RORA: variants seen among roughly 807,000 people sequenced by gnomAD.
RORA encodes RAR related orphan receptor A.
RORA carries 7 observed loss-of-function variants against 69.5 expected under a neutral mutation model. That is an observed-to-expected ratio of 0.10 (90% confidence interval 0.06 to 0.19). The LOEUF (loss-of-function observed/expected upper bound fraction) is 0.19, where lower values mean the gene tolerates loss of function less well. Ranked by LOEUF, RORA falls within the 10% of genes least tolerant of loss-of-function variation. The pLI is 1.00. For synonymous variants in RORA, 261 were observed against 240.8 expected, an observed-to-expected ratio of 1.08 and a Z score of -0.78; for missense variants, 457 against 663.0, an observed-to-expected ratio of 0.69 and a Z score of 3.41.
At chr15:60,677,580 CTT>C (rs71122869) in intron 2 of RORA, among the ~76,000 whole-genome samples, 5 of 139,538 alleles carry the variant, frequency 3.6e-5, no homozygotes, top group Middle Eastern at 3.6e-3. Flanking sequence ...TTGGTTTTTT[CTT>C]TTTTTTTTTT....
intron 1 of RORA, among the ~76,000 whole-genome samples, chr15:60,859,651 C>CTTTTTTTTTTTTT (rs1208480913): frequency 2.1e-5 from 2 of 96,422 alleles, no homozygotes; most frequent in Non-Finnish European, 3.9e-5. Flanking sequence ...TTCTTTCTTT[C>CTTTTTTTTTTTTT]TTTCTTTTTT....
chr15:60,871,175 T>C (rs1297006128), intron 1 of RORA, among the ~76,000 whole-genome samples: 2 of 152,174 alleles, frequency 1.3e-5, no homozygotes, highest in Non-Finnish European at 1.5e-5. Context: ...GTTGGAGATA[T>C]CCAGGCAACA....
Position 60,870,028 on chromosome 15 carries a change from A to G in RORA, c.167-191342T>C, listed in dbSNP as rs142589743. ...ACTGTGGTTGACTGGGCCAAGGAAA[A>G]TATCTCCATGAAGTAGTCTTTGCAA... On this transcript the variant is annotated intron_variant, in intron 1 of 10. Coordinates refer to ENST00000335670, the MANE Select transcript of RORA (RefSeq NM_134261.3). Among the ~76,000 whole-genome samples the G allele has an allele frequency of 1.4e-4, 22 of 152,356 alleles. No individual in the cohort carries two copies. In the East Asian group the frequency reaches 4.1e-3, roughly 28 times the overall value.
At chr15:60,591,172 C>A (rs1466421157) in intron 2 of RORA, among the ~76,000 whole-genome samples, 2 of 152,198 alleles carry the variant, frequency 1.3e-5, no homozygotes, top group Non-Finnish European at 2.9e-5. Flanking sequence ...ACAATTGCTG[C>A]GCATTAGGGA....
chr15:60,845,338 G>C (rs1202474908), intron 1 of RORA, among the ~76,000 whole-genome samples: 3 of 152,168 alleles, frequency 2.0e-5, no homozygotes, highest in Non-Finnish European at 4.4e-5. Context: ...TGAATTCTCT[G>C]AGCCACAGAC....
chr15:60,813,492 T>G (rs1567199843), intron 1 of RORA, among the ~76,000 whole-genome samples: 1 of 152,204 alleles, frequency 6.6e-6, no homozygotes, highest in Non-Finnish European at 1.5e-5. Context: ...AGGTAATGTG[T>G]TAGGAGCTCC....
At chr15:60,970,496 A>G (rs1028226542) in intron 1 of RORA, among the ~76,000 whole-genome samples, 1 of 152,352 alleles carries the variant, frequency 6.6e-6, no homozygotes, top group East Asian at 1.9e-4. Flanking sequence ...TTTCAAGTCC[A>G]AAGCCTAGAG....
intron 1 of RORA, among the ~76,000 whole-genome samples, chr15:61,192,306 C>T (rs772951062): frequency 1.3e-5 from 2 of 152,134 alleles, no homozygotes; most frequent in Admixed American, 6.5e-5. Flanking sequence ...CTGGCTTATG[C>T]CTAAAGGCAA....
rs376314532 is a variant in RORA, at chr15:60,902,707, G to A, written c.167-224021C>T. 2.0e-5 allele frequency among the ~76,000 whole-genome samples: 3 copies of A among 152,290 alleles called. No homozygotes were observed. In the East Asian group the frequency reaches 5.8e-4, roughly 29 times the overall value. On this transcript the variant is annotated intron_variant, in intron 1 of 10. Transcript: ENST00000335670. ...ATCACTCTCTGAGAGGAAAACCCTT[G>A]GTTTCTACTCTCTGCTGATTTCTGT...
intron 1 of RORA, among the ~76,000 whole-genome samples, chr15:61,143,740 C>A (rs542113798): frequency 1.3e-5 from 2 of 152,182 alleles, no homozygotes; most frequent in East Asian, 3.9e-4. Flanking sequence ...ATGCTGGTTC[C>A]ACTCTCACTT....
intron 3 of RORA, among the ~76,000 whole-genome samples, chr15:60,516,362 G>C (rs1241522958): frequency 7.1e-6 from 1 of 141,816 alleles, no homozygotes; most frequent in Non-Finnish European, 1.5e-5. Context: ...GAGTCCCAAA[G>C]TGTTGGGATT....
intron 1 of RORA, among the ~76,000 whole-genome samples, chr15:60,682,640 C>A (rs1447158579): frequency 1.3e-5 from 2 of 152,152 alleles, no homozygotes. Flanking sequence ...CAAAAGGAAG[C>A]TGCCTACTCA....
intron 1 of RORA, among the ~76,000 whole-genome samples, chr15:60,919,485 CTAGGCTACTATAG>C (rs1891976866): frequency 6.6e-6 from 1 of 152,178 alleles, no homozygotes; most frequent in African/African-American, 2.4e-5. Flanking sequence ...AAAATTGAGA[CTAGGCTACTATAG>C]ATAATACCTA....
At chr15:60,731,064 C>G (rs2071423877) in intron 1 of RORA, among the ~76,000 whole-genome samples, 4 of 152,082 alleles carry the variant, frequency 2.6e-5, no homozygotes. Context: ...CCTTCACTGC[C>G]TCTTAATAAT....
intron 1 of RORA, among the ~76,000 whole-genome samples, chr15:61,199,679 T>C (rs2277557): frequency 0.82 from 125,260 of 152,160 alleles, 52,896 homozygotes; most frequent in Non-Finnish European, 0.93. Context: ...AGCAAACTAC[T>C]GGACTGAGGT....
At chr15:60,957,992 A>G (rs1893317043) in intron 1 of RORA, among the ~76,000 whole-genome samples, 1 of 151,842 alleles carries the variant, frequency 6.6e-6, no homozygotes, top group South Asian at 2.1e-4. Flanking sequence ...ATACCTTGAA[A>G]TGAGAATAAT....
At chr15:61,205,131 C>T (rs1283470867) in intron 1 of RORA, among the ~76,000 whole-genome samples, 1 of 152,144 alleles carries the variant, frequency 6.6e-6, no homozygotes, top group African/African-American at 2.4e-5. Context: ...AGCAGTGAGC[C>T]AGAGAAGAGT....
intron 1 of RORA, among the ~76,000 whole-genome samples, chr15:61,190,745 C>A (rs1193867016): frequency 6.6e-6 from 1 of 151,020 alleles, no homozygotes; most frequent in African/African-American, 2.5e-5. Flanking sequence ...AAGACTCTGT[C>A]TCAAAAAAAG....
intron 1 of RORA, among the ~76,000 whole-genome samples, chr15:61,116,925 A>G (rs2140802218): frequency 6.6e-6 from 1 of 152,272 alleles, no homozygotes; most frequent in East Asian, 1.9e-4. Context: ...TATCTGGTTT[A>G]CGCTCACTTA....
Sources: gnomAD v4.1 joint callset for allele counts (sites outside exome capture counted in the v4.1 genomes callset) on GRCh38, gnomAD v4.1.1 for gene constraint, MANE v1.5 for transcripts, NCBI Gene and HGNC (gene_info 2026-07-23, HGNC 2026-07-21) for gene names.